The following UIMC1 variants were observed in gnomAD, a reference collection of about 807,000 sequenced individuals.
The protein encoded by UIMC1 is BRCA1-A complex subunit RAP80.
In UIMC1, 42 loss-of-function variants were observed where a neutral mutation model predicts 84.9. The ratio of observed to expected loss-of-function variants is 0.49; its 90% CI spans 0.39 to 0.64. UIMC1 has a LOEUF of 0.64. Ranked by LOEUF, UIMC1 falls within the 30% of genes least tolerant of loss-of-function variation. The probability of loss-of-function intolerance (pLI) is 0.00; values close to 1 mark genes in which losing one functional copy is unlikely to be tolerated. For synonymous variants in UIMC1, 281 were observed against 293.0 expected (o/e 0.96, Z 0.42); for missense variants, 825 against 847.6 (o/e 0.97, Z 0.33).
chr5:176,949,244 T>C (rs779900724), intron 9 of UIMC1, among the ~76,000 whole-genome samples: 1 of 152,180 alleles, frequency 6.6e-6, no homozygotes, highest in African/African-American at 2.4e-5. Context: ...TAAGACTGTT[T>C]AGAGACATCC....
chr5:176,918,068 A>G (rs1305401184), intron 10 of UIMC1, among the ~76,000 whole-genome samples: 3 of 152,246 alleles, frequency 2.0e-5, no homozygotes, highest in Non-Finnish European at 4.4e-5. Flanking sequence ...GAGCACTTCT[A>G]TCATTGCACA....
chr5:176,942,552 C>T lies in UIMC1; in HGVS notation c.1597+783G>A, dbSNP rs537732465. On this transcript the variant is annotated intron_variant, in intron 10 of 14. Coordinates refer to ENST00000511320, the MANE Select transcript of UIMC1 (RefSeq NM_001199298.2). The stretch of plus-strand genomic sequence containing the variant: ...GGTCAGGAGATGGAGACCATCATGG[C>T]TAATATGGTGAAACCCCATCTCTAC... 3.0e-4 allele frequency among the ~76,000 whole-genome samples: 45 copies of T among 150,738 alleles called. 1 individual carries two copies. In the South Asian group the frequency reaches 7.2e-3, roughly 24 times the overall value.
chr5:177,013,262 G>C (rs532125069), intron 1 of UIMC1, among the ~76,000 whole-genome samples: 2 of 151,926 alleles, frequency 1.3e-5, no homozygotes, highest in South Asian at 4.2e-4. Context: ...TTGGAAGGCT[G>C]AGGCAGGAGA....
At chr5:176,998,386 C>T (rs559377543) in intron 1 of UIMC1, among the ~76,000 whole-genome samples, 1 of 142,954 alleles carries the variant, frequency 7.0e-6, no homozygotes, top group Non-Finnish European at 1.5e-5. Context: ...ATCACTTGAA[C>T]CCAGGAGGCA....
intron 1 of UIMC1, among the ~76,000 whole-genome samples, chr5:177,021,064 G>A (rs1388622481): frequency 6.6e-6 from 1 of 152,168 alleles, no homozygotes; most frequent in African/African-American, 2.4e-5. Context: ...CAGATTATGA[G>A]ATCAGGAGTT....
intron 1 of UIMC1, among the ~76,000 whole-genome samples, chr5:176,984,520 G>A (rs1362201062): frequency 6.6e-6 from 1 of 151,148 alleles, no homozygotes; most frequent in Non-Finnish European, 1.5e-5. Context: ...GCCTCTGCCT[G>A]GCCGCCCCAT....
At chr5:176,994,849 T>C (rs1325699753) in intron 1 of UIMC1, among the ~76,000 whole-genome samples, 1 of 152,110 alleles carries the variant, frequency 6.6e-6, no homozygotes, top group African/African-American at 2.4e-5. Flanking sequence ...ATCATGCAGC[T>C]GCACAGTAGG....
In UIMC1 at chr5:176,983,486, C is replaced by T. The variant is rs143177039; in HGVS notation, c.-8-863G>A. 9.1e-3 allele frequency among the ~76,000 whole-genome samples: 1,384 copies of T among 152,266 alleles called. 8 individuals carry two copies. The highest frequency in any genetic ancestry group is 0.025 in the South Asian group (120 of 4,830). The stretch of plus-strand genomic sequence containing the variant: ...CTGGCCTCGGGTGATCTGCCCGCCT[C>T]GGCCTCCCGAGGTGCTGGGATTGCA... On this transcript the variant is annotated intron_variant, in intron 1 of 14. Coordinates refer to ENST00000511320, the MANE Select transcript of UIMC1 (RefSeq NM_001199298.2).
intron 10 of UIMC1, among the ~76,000 whole-genome samples, chr5:176,931,189 T>C (rs1024265208): frequency 1.6e-3 from 247 of 152,328 alleles, no homozygotes; most frequent in African/African-American, 5.7e-3. Flanking sequence ...ATAGTCTTGA[T>C]TGTGGCTCTA....
Position 176,995,954 on chromosome 5 carries a change from A to C in UIMC1, c.-9+10696T>G, listed in dbSNP as rs570208408. On this transcript the variant is annotated intron_variant, in intron 1 of 14. Coordinates refer to ENST00000511320, the MANE Select transcript of UIMC1 (RefSeq NM_001199298.2). ...ATCTACTACATTACCCAGCCATTTC[A>C]TTCCTAGGTATTTACTCAAGAGAAA... 1.6e-3 allele frequency among the ~76,000 whole-genome samples: 247 copies of C among 152,090 alleles called. 1 individual carries two copies. The highest frequency in any genetic ancestry group is 5.7e-3 in the African/African-American group (237 of 41,466).
intron 4 of UIMC1, 89 bp from the exon 5 acceptor site, chr5:176,969,795 C>G: frequency 9.7e-7 from 1 of 1,031,636 alleles, no homozygotes; most frequent in African/African-American, 1.6e-5. Context: ...GGGAGGCCAC[C>G]GTTCATAAGA....
At chr5:176,983,436 T>C (rs572386673) in intron 1 of UIMC1, among the ~76,000 whole-genome samples, 4 of 152,238 alleles carry the variant, frequency 2.6e-5, no homozygotes, top group South Asian at 4.1e-4. Flanking sequence ...GGTTTCGCCA[T>C]GTTGACCGGG....
rs777044542 is a variant in UIMC1, at chr5:176,970,876, G to A, written c.233-10C>T. On this transcript the variant is annotated splice_polypyrimidine_tract_variant and intron_variant, in intron 3 of 14. Coordinates refer to ENST00000511320, the MANE Select transcript of UIMC1 (RefSeq NM_001199298.2). ...TCTTCTTCTGTCATCTCTGTAAGAG[G>A]ATAGGGAAAAGAGAAGGAGGAACAC... 3.1e-6 allele frequency: 5 copies of A among 1,612,710 alleles called. No individual in the cohort carries two copies. The highest frequency in any genetic ancestry group is 4.2e-6 in the Non-Finnish European group (5 of 1,179,532).
At chr5:176,958,186 C>G (rs758960572) in intron 6 of UIMC1, 32 bp from the exon 7 acceptor site, 12 of 1,586,048 alleles carry the variant, frequency 7.6e-6, no homozygotes, top group Non-Finnish European at 9.5e-6. Context: ...CTTAAATATA[C>G]AGGCACAGGT....
chr5:176,959,509 G>A (rs892178481), intron 6 of UIMC1, among the ~76,000 whole-genome samples: 1 of 151,446 alleles, frequency 6.6e-6, no homozygotes, highest in African/African-American at 2.4e-5. Context: ...GAGGTCAGGA[G>A]ATCGAGACCA....
chr5:176,938,160 A>G (rs1451180507), intron 10 of UIMC1, among the ~76,000 whole-genome samples: 7 of 141,130 alleles, frequency 5.0e-5, no homozygotes, highest in African/African-American at 1.3e-4. Flanking sequence ...ACTGCCCTCC[A>G]GCCTGGGCTA....
At chr5:176,981,369 C>G (rs922902675) in intron 2 of UIMC1, among the ~76,000 whole-genome samples, 5 of 152,108 alleles carry the variant, frequency 3.3e-5, no homozygotes, top group Non-Finnish European at 5.9e-5. Context: ...TGGTCTCGAT[C>G]TCCTGACCTT....
intron 10 of UIMC1, among the ~76,000 whole-genome samples, chr5:176,925,129 GACAT>G (rs1223911092): frequency 2.0e-5 from 3 of 151,606 alleles, no homozygotes; most frequent in Admixed American, 6.6e-5. Flanking sequence ...TGGTATTCAG[GACAT>G]ACAAAGAACT....
At chr5:176,954,572 T>C (rs1766337633) in intron 8 of UIMC1, among the ~76,000 whole-genome samples, 1 of 150,064 alleles carries the variant, frequency 6.7e-6, no homozygotes, top group African/African-American at 2.4e-5. Flanking sequence ...TCGTCTCTAC[T>C]AAAAAAAAAT....
Sources: gnomAD v4.1 joint callset for allele counts (sites outside exome capture counted in the v4.1 genomes callset) on GRCh38, gnomAD v4.1.1 for gene constraint, MANE v1.5 for transcripts, NCBI Gene and HGNC (gene_info 2026-07-23, HGNC 2026-07-21) for gene names.